The following HOMER1 variants were observed in gnomAD, a reference collection of about 807,000 sequenced individuals.
HOMER1 encodes homer scaffold protein 1.
In HOMER1, 3 loss-of-function variants were observed where a neutral mutation model predicts 48.9. That is an observed-to-expected ratio of 0.06 (90% confidence interval 0.03 to 0.16). The LOEUF (loss-of-function observed/expected upper bound fraction) is 0.16, where lower values mean the gene tolerates loss of function less well. HOMER1 is among the 10% of genes least tolerant of loss of function. HOMER1 has a pLI of 1.00. For synonymous variants in HOMER1, 134 were observed against 146.4 expected (o/e 0.92, Z 0.61); for missense variants, 247 against 411.4 (o/e 0.60, Z 3.46).
At chr5:79,496,285 C>T (rs1368109400) in intron 1 of HOMER1, among the ~76,000 whole-genome samples, 3 of 152,116 alleles carry the variant, frequency 2.0e-5, no homozygotes, top group Non-Finnish European at 4.4e-5. Flanking sequence ...AATCAACTAC[C>T]TTTTCCAATA....
At chr5:79,498,852 T>TC (rs397963146) in intron 1 of HOMER1, among the ~76,000 whole-genome samples, 20 of 150,488 alleles carry the variant, frequency 1.3e-4, no homozygotes, top group African/African-American at 4.9e-5. Context: ...TTTTTTTTTT[T>TC]CAGACAGAGT....
At chr5:79,503,032 C>T (rs1254914612) in intron 1 of HOMER1, among the ~76,000 whole-genome samples, 1 of 152,074 alleles carries the variant, frequency 6.6e-6, no homozygotes, top group Non-Finnish European at 1.5e-5. Context: ...CGTGATCTGC[C>T]CGCCTTGGCC....
chr5:79,464,662 C>CCTACA (rs1340812038), intron 1 of HOMER1, among the ~76,000 whole-genome samples: 1 of 152,200 alleles, frequency 6.6e-6, no homozygotes, highest in Non-Finnish European at 1.5e-5. Flanking sequence ...CACCTCCTCT[C>CCTACA]TTTCTCATAC....
In HOMER1 at chr5:79,414,172, C is replaced by T. The variant is rs1446899557; in HGVS notation, c.528-12117G>A. Among the ~76,000 whole-genome samples the T allele has an allele frequency of 4.7e-5, 7 of 149,326 alleles. No homozygotes were observed. In the East Asian group the frequency reaches 1.4e-3, roughly 30 times the overall value. On this transcript the variant is annotated intron_variant, in intron 5 of 8. Transcript: ENST00000334082. ...ATGTGATCACTGCAACCTCTGCCTCCCCCAGGCTCAGGCAATCTTTCCACC... is the reference window on the plus strand; with the variant it reads ...ATGTGATCACTGCAACCTCTGCCTCTCCCAGGCTCAGGCAATCTTTCCACC...
At chr5:79,476,998 G>A (rs1285481917) in intron 1 of HOMER1, among the ~76,000 whole-genome samples, 1 of 152,156 alleles carries the variant, frequency 6.6e-6, no homozygotes, top group Non-Finnish European at 1.5e-5. Flanking sequence ...CTCACAATCA[G>A]ATCAGAGTCC....
At chr5:79,382,352 T>C (rs1247603193) in intron 8 of HOMER1, among the ~76,000 whole-genome samples, 1 of 152,156 alleles carries the variant, frequency 6.6e-6, no homozygotes, top group East Asian at 1.9e-4. Context: ...GTCTTCTCCA[T>C]GGCACATTAT....
At chr5:79,394,526 T>G (rs576408067) in intron 8 of HOMER1, among the ~76,000 whole-genome samples, 13 of 152,330 alleles carry the variant, frequency 8.5e-5, no homozygotes, top group Admixed American at 1.3e-4. Context: ...TATTCACAAT[T>G]TCAAGTGCCA....
At chr5:79,421,334 T>C (rs1441687525) in intron 5 of HOMER1, among the ~76,000 whole-genome samples, 2 of 152,250 alleles carry the variant, frequency 1.3e-5, no homozygotes, top group Non-Finnish European at 2.9e-5. Flanking sequence ...GTTATGCTGG[T>C]TTCAGAAACA....
At position 79,439,162 on chromosome 5, in the gene HOMER1, G is replaced by C. The variant is rs1274972330; in HGVS notation, c.388-13C>G. 3 of 1,612,880 alleles carry C rather than the reference G, an allele frequency of 1.9e-6. No individual in the cohort carries two copies. The highest frequency in any genetic ancestry group is 2.7e-5 in the African/African-American group (2 of 74,884). On this transcript the variant is annotated splice_polypyrimidine_tract_variant and intron_variant, in intron 4 of 8. Transcript: ENST00000334082. ...CGCCTGCGGATTCCTTTAAAAAAAG[G>C]GGTGGGGGATAAAAAATAGTTACAC...
In HOMER1 at chr5:79,439,191, T is replaced by C. The variant is rs757122676; in HGVS notation, c.388-42A>G. ...GGGGGATAAAAAATAGTTACACTTT[T>C]GTTAAAGTACACAATATCATCTTGA... On this transcript the variant is annotated intron_variant, in intron 4 of 8. Transcript: ENST00000334082. 7 of 1,604,836 alleles carry C rather than the reference T, an allele frequency of 4.4e-6. No individual in the cohort carries two copies. In the Admixed American group the frequency reaches 1.2e-4, roughly 27 times the overall value.
At chr5:79,450,921 G>T in intron 3 of HOMER1, 69 bp downstream of exon 3, 3 of 1,414,874 alleles carry the variant, frequency 2.1e-6, no homozygotes, top group African/African-American at 1.4e-5. Context: ...CTCTCCATTT[G>T]GTATTATATA....
In HOMER1 at chr5:79,395,046, C is replaced by T. The variant is rs79126018; in HGVS notation, c.876+1777G>A. Among the ~76,000 whole-genome samples the T allele has an allele frequency of 4.5e-3, 680 of 152,220 alleles. 3 individuals are homozygous for T. Among genetic ancestry groups the T allele is most frequent in the African/African-American group, 0.015 (629 of 41,548 alleles). ...AAGAAGTGTGGTAATGCAGAAAGAA[C>T]GGACTTTGGAATAAAATAAATCTAG... is the stretch of plus-strand genomic sequence containing the variant. On this transcript the variant is annotated intron_variant, in intron 8 of 8. Transcript: ENST00000334082.
At chr5:79,497,108 A>C (rs1435493449) in intron 1 of HOMER1, among the ~76,000 whole-genome samples, 4 of 151,158 alleles carry the variant, frequency 2.6e-5, no homozygotes, top group African/African-American at 9.7e-5. Context: ...AGAAACATGT[A>C]GGCTTCAACG....
At chr5:79,455,270 C>G (rs1269327653) in intron 2 of HOMER1, among the ~76,000 whole-genome samples, 1 of 152,116 alleles carries the variant, frequency 6.6e-6, no homozygotes, top group Non-Finnish European at 1.5e-5. Context: ...TGCTCAAGAT[C>G]AGATGGTGAT....
chr5:79,422,755 TA>T (rs1315763119), intron 5 of HOMER1, among the ~76,000 whole-genome samples: 1 of 151,960 alleles, frequency 6.6e-6, no homozygotes, highest in Non-Finnish European at 1.5e-5. Context: ...GTACTAAGGA[TA>T]GTGTTCACTA....
intron 2 of HOMER1, 27 bp from the exon 3 acceptor site, chr5:79,451,148 C>A (rs1160090074): frequency 1.3e-5 from 21 of 1,601,086 alleles, no homozygotes; most frequent in Non-Finnish European, 1.7e-5. Context: ...GTATGAGCAA[C>A]CAGCAAAAAA....
At chr5:79,410,504 A>G (rs1561353126) in intron 5 of HOMER1, among the ~76,000 whole-genome samples, 1 of 151,612 alleles carries the variant, frequency 6.6e-6, no homozygotes, top group Admixed American at 6.6e-5. Context: ...AAAAAAAAAA[A>G]AAAGAAAAAA....
chr5:79,391,448 T>C (rs1180064631), intron 8 of HOMER1, among the ~76,000 whole-genome samples: 1 of 149,910 alleles, frequency 6.7e-6, no homozygotes, highest in African/African-American at 2.5e-5. Flanking sequence ...TTTTTTTTTA[T>C]GTATGAAAAA....
chr5:79,390,572 G>C (rs1749223580), intron 8 of HOMER1, among the ~76,000 whole-genome samples: 1 of 152,048 alleles, frequency 6.6e-6, no homozygotes, highest in South Asian at 2.1e-4. Context: ...CAATAAACAT[G>C]AATGAGTCAT....
Sources: gnomAD v4.1 joint callset for allele counts (sites outside exome capture counted in the v4.1 genomes callset) on GRCh38, gnomAD v4.1.1 for gene constraint, MANE v1.5 for transcripts, NCBI Gene and HGNC (gene_info 2026-07-23, HGNC 2026-07-21) for gene names.